The following ZNF609 variants were observed in gnomAD, a reference collection of about 807,000 sequenced individuals.
ZNF609 encodes zinc finger protein 609.
A neutral mutation model predicts 109.5 loss-of-function variants in ZNF609; 11 were observed. That is an observed-to-expected ratio of 0.10 (90% confidence interval 0.06 to 0.17). The LOEUF (loss-of-function observed/expected upper bound fraction) is 0.17. Ranked by LOEUF, ZNF609 falls within the 10% of genes least tolerant of loss-of-function variation. The pLI is 1.00. For synonymous variants in ZNF609, 646 were observed against 662.0 expected (o/e 0.98, Z 0.37); for missense variants, 1,559 against 1,772.4 (o/e 0.88, Z 2.16).
chr15:64,486,165 C>A (rs748484125), intron 1 of ZNF609, among the ~76,000 whole-genome samples: 1 of 152,116 alleles, frequency 6.6e-6, no homozygotes, highest in Non-Finnish European at 1.5e-5. Flanking sequence ...TATATAATAA[C>A]CTGTTAAGGG....
chr15:64,668,952 CAAAA>C (rs538954402), intron 3 of ZNF609, among the ~76,000 whole-genome samples: 6 of 34,980 alleles, frequency 1.7e-4, no homozygotes, highest in Non-Finnish European at 3.3e-4. Flanking sequence ...AACTCCGTCT[CAAAA>C]AAAAAAAAAA....
intron 2 of ZNF609, among the ~76,000 whole-genome samples, chr15:64,616,927 G>A (rs1178945693): frequency 7.1e-6 from 1 of 140,752 alleles, no homozygotes; most frequent in Non-Finnish European, 1.5e-5. Context: ...TCATGCCTCA[G>A]TCTCCCAAGT....
intron 3 of ZNF609, chr15:64,654,374 T>C (rs1445916362): frequency 2.0e-5 from 3 of 152,166 alleles, no homozygotes; most frequent in Non-Finnish European, 4.4e-5. Flanking sequence ...ATTCTTCCTA[T>C]CCTTTTTTAT....
chr15:64,505,270 C>A (rs1249676198), intron 2 of ZNF609, among the ~76,000 whole-genome samples: 1 of 152,152 alleles, frequency 6.6e-6, no homozygotes, highest in Non-Finnish European at 1.5e-5. Context: ...TTTCATCCAG[C>A]CAAATTTTCA....
chr15:64,628,097 A>G (rs963400462), intron 3 of ZNF609, among the ~76,000 whole-genome samples: 4 of 150,832 alleles, frequency 2.7e-5, no homozygotes, highest in Non-Finnish European at 3.0e-5. Flanking sequence ...ACATAGCAAG[A>G]CCCTATCTCT....
At chr15:64,547,552 A>T (rs1158649841) in intron 2 of ZNF609, among the ~76,000 whole-genome samples, 1 of 152,170 alleles carries the variant, frequency 6.6e-6, no homozygotes, top group African/African-American at 2.4e-5. Context: ...CTAAAGAATG[A>T]TAAAATCTGG....
intron 2 of ZNF609, among the ~76,000 whole-genome samples, chr15:64,564,202 G>A (rs1894737555): frequency 1.3e-5 from 2 of 151,498 alleles, no homozygotes; most frequent in South Asian, 4.2e-4. Context: ...TAGCTGTGTT[G>A]GTTATCAGAT....
intron 2 of ZNF609, among the ~76,000 whole-genome samples, chr15:64,564,799 T>C (rs1894747691): frequency 6.6e-6 from 1 of 152,016 alleles, no homozygotes; most frequent in South Asian, 2.1e-4. Context: ...CAGTGAATGA[T>C]AGTAATGTCA....
chr15:64,503,401 CT>C (rs1893589347), intron 2 of ZNF609, among the ~76,000 whole-genome samples: 1 of 152,156 alleles, frequency 6.6e-6, no homozygotes, highest in African/African-American at 2.4e-5. Context: ...GTTCCCTTGC[CT>C]TTAGTTTGAT....
intron 2 of ZNF609, among the ~76,000 whole-genome samples, chr15:64,549,347 C>A (rs773149715): frequency 3.9e-5 from 6 of 152,068 alleles, no homozygotes; most frequent in African/African-American, 1.4e-4. Context: ...CACACCACCT[C>A]GCCCGGCTAA....
At chr15:64,539,238 C>T (rs1347042335) in intron 2 of ZNF609, among the ~76,000 whole-genome samples, 58 of 141,318 alleles carry the variant, frequency 4.1e-4, no homozygotes, top group African/African-American at 1.4e-3. Context: ...GATGGAGTCT[C>T]ACTCTGTTGC....
rs181395610 is a variant in ZNF609 at position 64,556,639 on chromosome 15, A to T, written c.747+56473A>T. Among the ~76,000 whole-genome samples, 3 of 152,324 alleles carry T rather than the reference A, an allele frequency of 2.0e-5. 1 individual carries two copies. The East Asian group carries it at 5.8e-4, about 29-fold the overall frequency. ...CTTCCCTCCTAGCCACTAAATACTT[A>T]GCACTGCTTTACTAGTCTTTCACAT... On this transcript the variant is annotated intron_variant, in intron 2 of 9. Transcript: ENST00000326648.
intron 1 of ZNF609, among the ~76,000 whole-genome samples, chr15:64,495,615 G>T (rs1893471396): frequency 1.3e-5 from 2 of 151,990 alleles, no homozygotes; most frequent in Non-Finnish European, 2.9e-5. Flanking sequence ...TGGCTAGGCT[G>T]ATCTCAAACT....
intron 1 of ZNF609, among the ~76,000 whole-genome samples, chr15:64,462,791 A>T (rs72741334): frequency 6.6e-6 from 1 of 152,156 alleles, no homozygotes; most frequent in Non-Finnish European, 1.5e-5. Flanking sequence ...GCAAAAGTCT[A>T]TATCTGCCTC....
At chr15:64,533,978 A>G (rs1482673520) in intron 2 of ZNF609, among the ~76,000 whole-genome samples, 1 of 151,104 alleles carries the variant, frequency 6.6e-6, no homozygotes, top group African/African-American at 2.4e-5. Context: ...AAGATTTTGA[A>G]CAGTTCCATC....
chr15:64,472,208 C>T (rs530546678), intron 1 of ZNF609, among the ~76,000 whole-genome samples: 9 of 152,270 alleles, frequency 5.9e-5, no homozygotes, highest in Admixed American at 2.6e-4. Flanking sequence ...CCACCACACC[C>T]GGCCTATAAG....
At chr15:64,593,814 C>T (rs1895342735) in intron 2 of ZNF609, among the ~76,000 whole-genome samples, 1 of 152,160 alleles carries the variant, frequency 6.6e-6, no homozygotes, top group Non-Finnish European at 1.5e-5. Flanking sequence ...AGCCACTGTA[C>T]CCAGCCATTC....
At chr15:64,658,380 A>T (rs919117876) in intron 3 of ZNF609, among the ~76,000 whole-genome samples, 1 of 152,098 alleles carries the variant, frequency 6.6e-6, no homozygotes, top group Non-Finnish European at 1.5e-5. Flanking sequence ...TATTTTTAAT[A>T]GATATGGGGT....
chr15:64,619,390 C>T (rs1238935578), intron 2 of ZNF609, among the ~76,000 whole-genome samples: 1 of 152,082 alleles, frequency 6.6e-6, no homozygotes, highest in Admixed American at 6.5e-5. Context: ...CCTGTAAAGC[C>T]ACATAGGTTA....
Sources: gnomAD v4.1 joint callset for allele counts (sites outside exome capture counted in the v4.1 genomes callset) on GRCh38, gnomAD v4.1.1 for gene constraint, MANE v1.5 for transcripts, NCBI Gene and HGNC (gene_info 2026-07-23, HGNC 2026-07-21) for gene names.